AKAP13: variants seen among roughly 807,000 people sequenced by gnomAD.
AKAP13 encodes the protein A-kinase anchor protein 13.
Under a neutral mutation model 264.5 loss-of-function variants are expected in AKAP13, and 80 were observed. The observed-to-expected ratio is 0.30, with a 90% confidence interval of 0.25 to 0.36. AKAP13 has a LOEUF of 0.36. Ranked by LOEUF, AKAP13 falls within the 10% of genes least tolerant of loss-of-function variation. AKAP13 has a pLI of 1.00. For synonymous variants in AKAP13, 1,380 were observed against 1,250.2 expected (o/e 1.10, Z -2.19); for missense variants, 3,712 against 3,435.2 (o/e 1.08, Z -2.01).
At chr15:85,660,618 C>T (rs1043928255) in intron 12 of AKAP13, among the ~76,000 whole-genome samples, 8 of 151,990 alleles carry the variant, frequency 5.3e-5, no homozygotes, top group African/African-American at 1.4e-4. Flanking sequence ...TATTAACTGG[C>T]GATTTAAAAT....
rs189832341 is a variant in AKAP13, at chr15:85,667,493, C to T, written c.4993-2229C>T. Among the ~76,000 whole-genome samples the T allele has an allele frequency of 7.1e-4, 108 of 152,314 alleles. 1 individual carries two copies. Among genetic ancestry groups the T allele is most frequent in the Admixed American group, 4.7e-3 (72 of 15,302 alleles). ...ACAATTCTTGGATGGCTACTGAGCA[C>T]AGCTTTGCTAAGGGTAAATAAACAG... On this transcript the variant is annotated intron_variant, in intron 13 of 36. Transcript: ENST00000394518.
chr15:85,649,162 C>T (rs1264267697), intron 10 of AKAP13, among the ~76,000 whole-genome samples: 2 of 152,152 alleles, frequency 1.3e-5, no homozygotes, highest in Non-Finnish European at 2.9e-5. Flanking sequence ...AATTTGTCTG[C>T]CCAGCAACCC....
intron 2 of AKAP13, among the ~76,000 whole-genome samples, chr15:85,503,373 C>T (rs548050480): frequency 6.6e-6 from 1 of 152,338 alleles, no homozygotes; most frequent in East Asian, 1.9e-4. Context: ...ATTTCAAAGC[C>T]TGTGGTCTTC....
In AKAP13 at chr15:85,747,760, C is replaced by T. The variant is rs148844525; in HGVS notation, c.*3083C>T. 2 of 152,822 alleles carry T rather than the reference C, an allele frequency of 1.3e-5. No homozygotes were observed. Among genetic ancestry groups the T allele is most frequent in the African/African-American group, 4.8e-5 (2 of 41,578 alleles). The allele number at this position is 152,822 out of a possible 1,614,324, so 9.5% of individuals were successfully genotyped here. On this transcript the variant is annotated 3_prime_UTR_variant, in exon 37 of 37. Transcript: ENST00000394518. ...CCTTTGCCAGTATTCCCTCTACCCC[C>T]GTGAGAGCTATCTGGGGGGAAGAAT...
intron 1 of AKAP13, among the ~76,000 whole-genome samples, chr15:85,465,679 A>G (rs905165541): frequency 1.3e-5 from 2 of 151,666 alleles, no homozygotes; most frequent in African/African-American, 4.8e-5. Context: ...AAAGGACATG[A>G]ACTTATCATT....
At chr15:85,612,674 T>A (rs2080703694) in intron 8 of AKAP13, among the ~76,000 whole-genome samples, 1 of 151,706 alleles carries the variant, frequency 6.6e-6, no homozygotes, top group African/African-American at 2.4e-5. Flanking sequence ...ATACAAGAAT[T>A]AGCTGGGTAG....
chr15:85,503,629 A>G (rs770968061), intron 2 of AKAP13, among the ~76,000 whole-genome samples: 14 of 152,180 alleles, frequency 9.2e-5, no homozygotes, highest in Non-Finnish European at 1.6e-4. Flanking sequence ...GGACTCATGG[A>G]ATCAGAGGGC....
At chr15:85,632,973 C>G (rs966087874) in intron 8 of AKAP13, among the ~76,000 whole-genome samples, 13 of 152,134 alleles carry the variant, frequency 8.5e-5, no homozygotes, top group Non-Finnish European at 1.5e-4. Context: ...TCAAGCGATT[C>G]TCCTGTCTCA....
At chr15:85,717,495 C>T (rs2087017559) in intron 21 of AKAP13, 93 bp downstream of exon 21, 1 of 834,252 alleles carries the variant, frequency 1.2e-6, no homozygotes, top group South Asian at 1.6e-5. Flanking sequence ...GTGACAGTAC[C>T]TGCCTCTTCT....
chr15:85,717,223 A>G, intron 20 of AKAP13, 67 bp from the exon 21 acceptor site: 2 of 1,047,106 alleles, frequency 1.9e-6, no homozygotes, highest in South Asian at 1.5e-5. Context: ...TCAGGTACTC[A>G]TTTAAGAATG....
In AKAP13 at chr15:85,689,230, T is replaced by G. The variant is rs74961469; in HGVS notation, c.5290-4047T>G. ...ACATTCAGTTACAGCTCCTAGGTCC[T>G]GTGGTCTGTATAAAAAAGAGCTGTA... is the stretch of plus-strand genomic sequence containing the variant. On this transcript the variant is annotated intron_variant, in intron 16 of 36. Coordinates refer to ENST00000394518, the MANE Select transcript of AKAP13 (RefSeq NM_007200.5). Among the ~76,000 whole-genome samples, 58 of 152,324 alleles carry G rather than the reference T, an allele frequency of 3.8e-4. No homozygotes were observed. In the East Asian group the frequency reaches 0.011, roughly 29 times the overall value.
chr15:85,554,858 G>C (rs1207598991), intron 5 of AKAP13, among the ~76,000 whole-genome samples: 1 of 152,160 alleles, frequency 6.6e-6, no homozygotes, highest in Non-Finnish European at 1.5e-5. Context: ...AACTCTGTCT[G>C]ACTTTCCAGC....
chr15:85,744,451 A>G (rs2089299960), intron 36 of AKAP13, 177 bp from the exon 37 acceptor site: 1 of 659,556 alleles, frequency 1.5e-6, no homozygotes, highest in Non-Finnish European at 2.7e-6. Context: ...AGTGAAGGAT[A>G]TCACTTAAGA....
Position 85,561,597 on chromosome 15 carries a change from G to C in AKAP13, c.663-13534G>C, listed in dbSNP as rs969331566. Among the ~76,000 whole-genome samples, 5 of 152,274 alleles carry C rather than the reference G, an allele frequency of 3.3e-5. No homozygotes were observed. The South Asian group carries it at 6.2e-4, about 19-fold the overall frequency. On this transcript the variant is annotated intron_variant, in intron 5 of 36. Transcript: ENST00000394518. ...TTTAACTTTAATTTTTACTAATCTT[G>C]TGAATGTTGGTATATTAGATATCGA...
intron 8 of AKAP13, among the ~76,000 whole-genome samples, chr15:85,607,142 T>C (rs1028842902): frequency 6.6e-6 from 1 of 152,038 alleles, no homozygotes; most frequent in Admixed American, 6.5e-5. Context: ...AGTACTTCTT[T>C]GTAAAACAGC....
chr15:85,645,517 G>A (rs2082514430), intron 9 of AKAP13, among the ~76,000 whole-genome samples: 1 of 152,196 alleles, frequency 6.6e-6, no homozygotes, highest in South Asian at 2.1e-4. Context: ...CTAAATAGAA[G>A]TAGAATATGC....
At chr15:85,533,925 T>G (rs968650811) in intron 4 of AKAP13, 45 bp downstream of exon 4, 17 of 1,507,150 alleles carry the variant, frequency 1.1e-5, no homozygotes, top group Non-Finnish European at 1.3e-5. Flanking sequence ...GTTTGTGATA[T>G]TTCTACTTTT....
chr15:85,642,417 G>C (rs890115826), intron 9 of AKAP13, among the ~76,000 whole-genome samples: 5 of 152,132 alleles, frequency 3.3e-5, no homozygotes, highest in African/African-American at 9.7e-5. Context: ...TAGATATGCC[G>C]CTCCCCTTTA....
rs376666160 is a variant in AKAP13, at chr15:85,747,705, G to A, written c.*3028G>A. ...TGTTTTCTTCTTAGAAAATGGAGAG[G>A]GTTAAAAACATGCAAACTGCCACTT... On this transcript the variant is annotated 3_prime_UTR_variant, in exon 37 of 37. Transcript: ENST00000394518. 1.3e-5 allele frequency: 2 copies of A among 152,622 alleles called. No individual in the cohort carries two copies. The highest frequency in any genetic ancestry group is 4.8e-5 in the African/African-American group (2 of 41,438). 9.5% of individuals were successfully genotyped at this position (152,622 alleles called of 1,614,324 possible).
Sources: gnomAD v4.1 joint callset for allele counts (sites outside exome capture counted in the v4.1 genomes callset) on GRCh38, gnomAD v4.1.1 for gene constraint, MANE v1.5 for transcripts, NCBI Gene and HGNC (gene_info 2026-07-23, HGNC 2026-07-21) for gene names.